The following FAM200B variants were observed in gnomAD, a reference collection of about 807,000 sequenced individuals.
FAM200B encodes the protein protein FAM200B.
Under a neutral mutation model 33.1 loss-of-function variants are expected in FAM200B, and 32 were observed. The ratio of observed to expected loss-of-function variants is 0.97; its 90% CI spans 0.73 to 1.30. The LOEUF is 1.30. Among genes scored for constraint, FAM200B ranks in the 50% most tolerant of loss-of-function variants. The pLI is 0.00. For missense variants in FAM200B, 741 were observed against 754.0 expected (o/e 0.98, Z 0.20); for synonymous variants, 240 against 264.8 (o/e 0.91, Z 0.91).
chr4:15,662,198 A>G, the FAM200B span, among the ~76,000 whole-genome samples: 2 of 152,198 alleles, frequency 1.3e-5, no homozygotes, highest in Admixed American at 6.5e-5. Flanking sequence ...ATTGAGGGCC[A>G]TCTTTGAAGC....
chr4:15,655,036 G>A, the FAM200B span, among the ~76,000 whole-genome samples: 1 of 150,970 alleles, frequency 6.6e-6, no homozygotes, highest in Non-Finnish European at 1.5e-5. Flanking sequence ...CCTCGCAGCG[G>A]GCGGGCAGGC....
At position 15,687,372 on chromosome 4, in the gene FAM200B, C is replaced by G; in HGVS notation, c.395C>G (p.Ser132Ter). 2 of 1,546,634 alleles carry G rather than the reference C, an allele frequency of 1.3e-6. No homozygotes were observed. Among genetic ancestry groups the G allele is most frequent in the South Asian group, 2.4e-5 (2 of 83,226 alleles). ...FQRKKKDIKL[S>*]TQFLSCSTAV... ...AGAAAGAAAAAAGACATAAAGTTAT[C>G]AACACAATTTCTTAGTTGTTCTACT... The change falls in exon 2 of 2, where the codon TCA becomes TGA. Residue 132 changes from serine (S) to a stop codon, truncating the protein, a stop_gained. Coordinates refer to ENST00000422728, the MANE Select transcript of FAM200B (RefSeq NM_001145191.2). LOFTEE classifies it high-confidence loss of function.
At chr4:15,679,718 TTATC>T (rs1286695447), upstream of FAM200B, among the ~76,000 whole-genome samples, 1 of 150,568 alleles carries the variant, frequency 6.6e-6, no homozygotes, top group African/African-American at 2.4e-5. Context: ...AGGATTTTAC[TTATC>T]TATCAAAAAA....
chr4:15,666,041 C>A, the FAM200B span, among the ~76,000 whole-genome samples: 1 of 151,776 alleles, frequency 6.6e-6, no homozygotes, highest in Non-Finnish European at 1.5e-5. Flanking sequence ...AAAAAATGAC[C>A]ATTTCCTCAT....
At chr4:15,681,706 C>A (rs190402034), upstream of FAM200B, 2,164 of 152,890 alleles carry the variant, frequency 0.014, 23 homozygotes, top group Non-Finnish European at 0.021. Context: ...GCTCCCGGCA[C>A]CCCCGGACAC....
the FAM200B span, among the ~76,000 whole-genome samples, chr4:15,676,254 C>T: frequency 1.5e-4 from 23 of 152,144 alleles, no homozygotes; most frequent in Admixed American, 2.0e-4. Context: ...TTATAAACTA[C>T]CGCATAAAAA....
At chr4:15,660,897 C>T in the FAM200B span, among the ~76,000 whole-genome samples, 1 of 151,954 alleles carries the variant, frequency 6.6e-6, no homozygotes, top group East Asian at 1.9e-4. Context: ...GGCAACATGG[C>T]GAAACTCCAT....
the FAM200B span, chr4:15,655,263 CCA>C: frequency 6.9e-7 from 1 of 1,440,222 alleles, no homozygotes; most frequent in Non-Finnish European, 9.3e-7. Context: ...GTGAAGACGT[CCA>C]CTTCTTCAGG....
At position 15,687,139 on chromosome 4, in the gene FAM200B, A is replaced by T. The variant is rs930442007; in HGVS notation, c.162A>T (p.Lys54Asn). 2.6e-6 allele frequency: 4 copies of T among 1,548,026 alleles called. No homozygotes were observed. In the Admixed American group the frequency reaches 7.9e-5, roughly 31 times the overall value. Residue 54 changes from lysine (K) to asparagine (N), a missense_variant, in exon 2 of 2, where the codon AAA becomes AAT. Transcript: ENST00000422728. ...CAACTTCATTTGAGCCACATTTCAAAAAGAAAAAAGTAAGTGCAAGACGTT... is the reference window on the plus strand; with the variant it reads ...CAACTTCATTTGAGCCACATTTCAATAAGAAAAAAGTAAGTGCAAGACGTT... ...QTSTSFEPHF[K>N]KKKVSARRYN...
chr4:15,680,683 A>T (rs1335610591), upstream of FAM200B, among the ~76,000 whole-genome samples: 3 of 148,232 alleles, frequency 2.0e-5, no homozygotes, highest in Non-Finnish European at 3.0e-5. Flanking sequence ...CTCAAAAATT[A>T]AAAAAAAAAA....
the FAM200B span, among the ~76,000 whole-genome samples, chr4:15,658,195 C>T: frequency 6.6e-6 from 1 of 152,322 alleles, no homozygotes. Context: ...CAGCACTTTC[C>T]CTAATAGGGG....
chr4:15,689,405 G>T lies in FAM200B; in HGVS notation c.*454G>T, dbSNP rs1719201027. 1 of 167,372 alleles carries T rather than the reference G, an allele frequency of 6.0e-6. No individual in the cohort carries two copies. Among genetic ancestry groups the T allele is most frequent in the South Asian group, 2.1e-4 (1 of 4,838 alleles). 10.4% of individuals were successfully genotyped at this position (167,372 alleles called of 1,614,324 possible). A position where few individuals can be genotyped will look rare whatever the true frequency, so the allele number is the denominator to read the frequency against. On this transcript the variant is annotated 3_prime_UTR_variant, in exon 2 of 2. Transcript: ENST00000422728. Reference sequence around the variant, plus strand: ...AGTTGAAGGGTTTAAGCGAAGGAGAGAAATGATCTGAGCTAGGTTTTAAAA... The same window carrying T: ...AGTTGAAGGGTTTAAGCGAAGGAGATAAATGATCTGAGCTAGGTTTTAAAA...
chr4:15,652,053 C>A, the FAM200B span, among the ~76,000 whole-genome samples: 1 of 152,164 alleles, frequency 6.6e-6, no homozygotes, highest in Non-Finnish European at 1.5e-5. Flanking sequence ...ACATTGCCAA[C>A]GTCTTTCTGT....
At chr4:15,648,538 C>T in the FAM200B span, among the ~76,000 whole-genome samples, 3 of 152,120 alleles carry the variant, frequency 2.0e-5, no homozygotes, top group African/African-American at 7.2e-5. Flanking sequence ...AAATATTATT[C>T]AGTCATAAAA....
the FAM200B span, among the ~76,000 whole-genome samples, chr4:15,673,963 T>C: frequency 6.6e-6 from 1 of 152,236 alleles, no homozygotes; most frequent in African/African-American, 2.4e-5. Context: ...ATATCCAATA[T>C]CTTGGAAAAC....
upstream of FAM200B, among the ~76,000 whole-genome samples, chr4:15,680,380 A>C (rs1028950965): frequency 1.3e-5 from 2 of 152,196 alleles, no homozygotes; most frequent in Admixed American, 6.5e-5. Flanking sequence ...TTAAAAATCC[A>C]GTGGGAGAGG....
the FAM200B span, among the ~76,000 whole-genome samples, chr4:15,673,413 C>A: frequency 6.6e-6 from 1 of 152,094 alleles, no homozygotes; most frequent in African/African-American, 2.4e-5. Context: ...TCTACTCCAC[C>A]CTGGGCAACA....
the FAM200B span, among the ~76,000 whole-genome samples, chr4:15,642,867 C>G: frequency 1.3e-5 from 2 of 152,292 alleles, no homozygotes; most frequent in East Asian, 3.9e-4. Context: ...TCCTGACCCT[C>G]TTCTATATAC....
the FAM200B span, among the ~76,000 whole-genome samples, chr4:15,642,483 G>A: frequency 6.6e-6 from 1 of 151,928 alleles, no homozygotes; most frequent in African/African-American, 2.4e-5. Context: ...TGATCTGCCC[G>A]CCTCAGCCTC....
Sources: gnomAD v4.1 joint callset for allele counts (sites outside exome capture counted in the v4.1 genomes callset) on GRCh38, gnomAD v4.1.1 for gene constraint, MANE v1.5 for transcripts, NCBI Gene and HGNC (gene_info 2026-07-23, HGNC 2026-07-21) for gene names.